Variants in CAP2 observed in about 807,000 individuals in gnomAD.
CAP2 encodes the protein cyclase associated actin cytoskeleton regulatory protein 2.
A neutral mutation model predicts 57.7 loss-of-function variants in CAP2; 24 were observed. That is an observed-to-expected ratio of 0.42 (90% CI 0.30 to 0.58). CAP2 has a LOEUF of 0.58. Among genes scored for constraint, CAP2 ranks in the 20% least tolerant of loss-of-function variants. The probability of loss-of-function intolerance (pLI) is 0.22; values close to 1 mark genes in which losing one functional copy is unlikely to be tolerated. For missense variants in CAP2, 501 were observed against 590.3 expected (o/e 0.85, Z 1.57); for synonymous variants, 194 against 207.2 (o/e 0.94, Z 0.55).
At chr6:17,424,358 C>A (rs1297387838) in intron 2 of CAP2, among the ~76,000 whole-genome samples, 1 of 152,170 alleles carries the variant, frequency 6.6e-6, no homozygotes, top group African/African-American at 2.4e-5. Flanking sequence ...CGAGATCGCG[C>A]CACTGCACTC....
chr6:17,495,979 G>A (rs893393117), intron 4 of CAP2, among the ~76,000 whole-genome samples: 2 of 125,026 alleles, frequency 1.6e-5, no homozygotes, highest in African/African-American at 6.1e-5. Context: ...AGCCCATCCA[G>A]AGATGTTTAT....
chr6:17,540,853 G>C (rs1762881891), intron 8 of CAP2, 120 bp from the exon 9 acceptor site: 1 of 885,578 alleles, frequency 1.1e-6, no homozygotes, highest in African/African-American at 1.7e-5. Flanking sequence ...GCACTAGACT[G>C]TTTTGAAAGT....
At chr6:17,432,288 T>G (rs1454591386) in intron 3 of CAP2, among the ~76,000 whole-genome samples, 1 of 152,192 alleles carries the variant, frequency 6.6e-6, no homozygotes, top group African/African-American at 2.4e-5. Flanking sequence ...TGTTTGGTGC[T>G]TTAGAATCTG....
intron 4 of CAP2, among the ~76,000 whole-genome samples, chr6:17,499,857 A>ATAAAT (rs1761758492): frequency 6.6e-6 from 1 of 150,950 alleles, no homozygotes; most frequent in South Asian, 2.1e-4. Flanking sequence ...TCATAAATAA[A>ATAAAT]TAAATAAATA....
At chr6:17,441,448 G>A (rs1194201963) in intron 3 of CAP2, among the ~76,000 whole-genome samples, 1 of 151,466 alleles carries the variant, frequency 6.6e-6, no homozygotes, top group South Asian at 2.1e-4. Context: ...ACAGTACATA[G>A]GCTTATTTCA....
chr6:17,500,115 G>A (rs1048243465), intron 4 of CAP2, among the ~76,000 whole-genome samples: 6 of 149,906 alleles, frequency 4.0e-5, no homozygotes, highest in Admixed American at 4.0e-4. Flanking sequence ...ATATCTCCAT[G>A]GACGTATTCT....
intron 7 of CAP2, chr6:17,536,467 C>G (rs1762776627): frequency 3.2e-6 from 1 of 309,536 alleles, no homozygotes; most frequent in Non-Finnish European, 6.4e-6. Flanking sequence ...GGAGTTTCAA[C>G]TGGTCCTGAG....
At chr6:17,492,223 C>T (rs1761561210) in intron 4 of CAP2, among the ~76,000 whole-genome samples, 2 of 152,134 alleles carry the variant, frequency 1.3e-5, no homozygotes, top group Non-Finnish European at 2.9e-5. Flanking sequence ...TATAAATTTC[C>T]CAACTTCTTG....
intron 2 of CAP2, among the ~76,000 whole-genome samples, chr6:17,423,732 T>G (rs1759504632): frequency 6.6e-6 from 1 of 152,190 alleles, no homozygotes; most frequent in Non-Finnish European, 1.5e-5. Flanking sequence ...ATAGGCTAAG[T>G]AGAATTAGAG....
intron 4 of CAP2, 142 bp downstream of exon 4, chr6:17,463,215 G>T (rs1421398408): frequency 3.2e-6 from 2 of 617,394 alleles, no homozygotes; most frequent in African/African-American, 1.9e-5. Flanking sequence ...CTCTAATCTG[G>T]ATCATGGTAT....
intron 7 of CAP2, among the ~76,000 whole-genome samples, chr6:17,514,167 A>G (rs1762219114): frequency 6.6e-6 from 1 of 151,914 alleles, no homozygotes; most frequent in African/African-American, 2.4e-5. Context: ...GTTCAAGACC[A>G]GCCTGGCAAA....
intron 1 of CAP2, among the ~76,000 whole-genome samples, chr6:17,395,175 G>A (rs1385609717): frequency 6.6e-6 from 1 of 152,196 alleles, no homozygotes; most frequent in East Asian, 1.9e-4. Flanking sequence ...AATGTGAGAA[G>A]TAATTTAATT....
intron 1 of CAP2, among the ~76,000 whole-genome samples, chr6:17,409,439 A>G (rs1759080613): frequency 6.6e-6 from 1 of 152,064 alleles, no homozygotes; most frequent in Admixed American, 6.5e-5. Context: ...GGAGGTAGTA[A>G]CACTTACCAT....
At chr6:17,547,711 G>A (rs1470844608) in intron 11 of CAP2, among the ~76,000 whole-genome samples, 1 of 151,832 alleles carries the variant, frequency 6.6e-6, no homozygotes, top group East Asian at 1.9e-4. Context: ...CGTGGTGGCG[G>A]GTGCCCATAG....
At chr6:17,507,475 T>A (rs1244915748) in intron 5 of CAP2, among the ~76,000 whole-genome samples, 163 bp downstream of exon 5, 1 of 152,232 alleles carries the variant, frequency 6.6e-6, no homozygotes, top group Non-Finnish European at 1.5e-5. Context: ...AAGCTTTCTG[T>A]TCTGAGATAC....
intron 4 of CAP2, among the ~76,000 whole-genome samples, chr6:17,498,936 A>G (rs1761733192): frequency 1.3e-5 from 2 of 151,702 alleles, no homozygotes; most frequent in South Asian, 2.1e-4. Flanking sequence ...TCACTGTGTT[A>G]GCCAGGATGG....
At chr6:17,473,859 G>C (rs940495606) in intron 4 of CAP2, among the ~76,000 whole-genome samples, 8 of 152,170 alleles carry the variant, frequency 5.3e-5, no homozygotes, top group African/African-American at 1.9e-4. Flanking sequence ...AAGCTTCACT[G>C]TGCAGTACTT....
chr6:17,462,935 TA>T, intron 3 of CAP2, 60 bp from the exon 4 acceptor site: 1 of 1,332,678 alleles, frequency 7.5e-7, no homozygotes, highest in Non-Finnish European at 1.1e-6. Flanking sequence ...ATTGCCAGAT[TA>T]TATGGTAACA....
At chr6:17,463,328 C>T (rs937272147) in intron 4 of CAP2, among the ~76,000 whole-genome samples, 5 of 150,170 alleles carry the variant, frequency 3.3e-5, no homozygotes, top group African/African-American at 9.9e-5. Context: ...AGCAATGTGT[C>T]TTCTTACTAC....
Sources: gnomAD v4.1 joint callset for allele counts (sites outside exome capture counted in the v4.1 genomes callset) on GRCh38, gnomAD v4.1.1 for gene constraint, MANE v1.5 for transcripts, NCBI Gene and HGNC (gene_info 2026-07-23, HGNC 2026-07-21) for gene names.